Variants in TTC39B observed in about 807,000 individuals in gnomAD.
TTC39B encodes the protein tetratricopeptide repeat protein 39B.
In TTC39B, 92 loss-of-function variants were observed where a neutral mutation model predicts 96.6. The observed-to-expected ratio is 0.95, with a 90% confidence interval of 0.80 to 1.13. TTC39B has a LOEUF of 1.13. Ranked by LOEUF, TTC39B falls within the 50% of genes most tolerant of loss-of-function variation. The pLI, the probability that TTC39B is intolerant of heterozygous loss-of-function variation, is 0.00. For missense variants in TTC39B, 955 were observed against 809.3 expected (o/e 1.18, Z -2.18); for synonymous variants, 367 against 299.4 (o/e 1.23, Z -2.33).
At chr9:15,295,535 G>A (rs1168973908) in intron 1 of TTC39B, among the ~76,000 whole-genome samples, 1 of 152,094 alleles carries the variant, frequency 6.6e-6, no homozygotes, top group Admixed American at 6.5e-5. Context: ...CTTTTCAATT[G>A]ACTGCAAAAA....
intron 16 of TTC39B, chr9:15,183,539 G>T: frequency 3.1e-6 from 1 of 326,406 alleles, no homozygotes; most frequent in Non-Finnish European, 5.9e-6. Context: ...TAGACCTGGA[G>T]AAAGAAGTGC....
Position 15,204,289 on chromosome 9 carries a change from G to A in TTC39B, c.692-399C>T, listed in dbSNP as rs143571961. Among the ~76,000 whole-genome samples, 365 of 152,270 alleles carry A rather than the reference G, an allele frequency of 2.4e-3. 1 individual carries two copies. Among genetic ancestry groups the A allele is most frequent in the African/African-American group, 8.2e-3 (340 of 41,536 alleles). ...TACGCCTGTAATCCCAGCACTTTGG[G>A]AGGCCGAGGTGGGTGGATCACCTGA... On this transcript the variant is annotated intron_variant, in intron 6 of 19. Coordinates refer to ENST00000512701, the Ensembl canonical transcript of TTC39B.
At chr9:15,269,862 A>AG (rs1275046677) in intron 1 of TTC39B, among the ~76,000 whole-genome samples, 1 of 87,840 alleles carries the variant, frequency 1.1e-5, no homozygotes, top group East Asian at 3.6e-4. Context: ...CTCCAAAAAA[A>AG]AAGAAAAAAA....
chr9:15,171,762 C>T (rs1163843057), exon 20 of TTC39B: 2 of 233,866 alleles, frequency 8.6e-6, no homozygotes, highest in African/African-American at 2.3e-5. Context: ...GACTTCTTCG[C>T]CCCCTAATTC....
chr9:15,273,778 G>A (rs982808272), intron 1 of TTC39B, among the ~76,000 whole-genome samples: 6 of 152,090 alleles, frequency 3.9e-5, no homozygotes, highest in East Asian at 1.9e-4. Flanking sequence ...CTCAAAGAAC[G>A]CTACAACTGT....
intron 2 of TTC39B, among the ~76,000 whole-genome samples, chr9:15,240,499 G>A (rs750028463): frequency 2.0e-5 from 3 of 149,320 alleles, no homozygotes; most frequent in Non-Finnish European, 4.5e-5. Flanking sequence ...ACTTTTCAAT[G>A]TTTTTTTTTC....
chr9:15,218,463 C>T (rs1168710375), intron 3 of TTC39B, among the ~76,000 whole-genome samples: 1 of 152,050 alleles, frequency 6.6e-6, no homozygotes, highest in African/African-American at 2.4e-5. Context: ...ACAACCATGT[C>T]TAACTCTCCA....
intron 2 of TTC39B, among the ~76,000 whole-genome samples, chr9:15,234,598 GT>G (rs932329190): frequency 1.3e-5 from 2 of 152,140 alleles, no homozygotes; most frequent in African/African-American, 4.8e-5. Flanking sequence ...GAGGGGAAAG[GT>G]GGGGAAAAGA....
intron 1 of TTC39B, among the ~76,000 whole-genome samples, chr9:15,282,592 G>C (rs1823807688): frequency 6.6e-6 from 1 of 152,142 alleles, no homozygotes. Flanking sequence ...TAAAAATTTG[G>C]ATGCTAACGA....
At chr9:15,232,745 A>T (rs1251437849) in intron 2 of TTC39B, among the ~76,000 whole-genome samples, 3 of 152,172 alleles carry the variant, frequency 2.0e-5, no homozygotes, top group Non-Finnish European at 4.4e-5. Flanking sequence ...TGGTGTACTA[A>T]ATCTGGAGGG....
chr9:15,191,879 A>C (rs765532652), intron 9 of TTC39B, among the ~76,000 whole-genome samples: 7 of 152,206 alleles, frequency 4.6e-5, no homozygotes, highest in Non-Finnish European at 1.0e-4. Flanking sequence ...AGGTCTGGGG[A>C]AGAAGTACGT....
chr9:15,203,812 A>AC lies in TTC39B; in HGVS notation c.759+10_759+11insG. 6.2e-7 allele frequency: 1 copy of AC among 1,608,584 alleles called. No homozygotes were observed. The highest frequency in any genetic ancestry group is 1.3e-5 in the African/African-American group (1 of 74,880). On this transcript the variant is annotated intron_variant, in intron 7 of 19. Coordinates refer to ENST00000512701, the Ensembl canonical transcript of TTC39B. ...CCAGCCAATACGAATTCCAAGCCAA[A>AC]TATTCATTACCTGCACAAACGTGAG... is the stretch of plus-strand genomic sequence containing the variant.
At chr9:15,221,613 G>A (rs1820845997) in intron 3 of TTC39B, among the ~76,000 whole-genome samples, 1 of 152,096 alleles carries the variant, frequency 6.6e-6, no homozygotes, top group Non-Finnish European at 1.5e-5. Flanking sequence ...GGTGCCAGGG[G>A]TCTCTGCGTC....
intron 1 of TTC39B, among the ~76,000 whole-genome samples, chr9:15,304,370 T>C (rs115005929): frequency 0.014 from 2,102 of 152,334 alleles, 51 homozygotes; most frequent in African/African-American, 0.047. Context: ...GATTGAGCTT[T>C]AAATGGCCAC....
chr9:15,198,700 G>A (rs1002156445), intron 8 of TTC39B, among the ~76,000 whole-genome samples: 1 of 151,788 alleles, frequency 6.6e-6, no homozygotes, highest in Non-Finnish European at 1.5e-5. Context: ...AAAAGGGGGA[G>A]AGAACAGATG....
At chr9:15,258,816 C>G (rs12352604) in intron 2 of TTC39B, among the ~76,000 whole-genome samples, 27,508 of 152,058 alleles carry the variant, frequency 0.18, 3,125 homozygotes, top group African/African-American at 0.33. Flanking sequence ...GAGATAATTG[C>G]ACCAAAGTGT....
At chr9:15,302,539 CAAAAAAAAAA>C (rs145173046) in intron 1 of TTC39B, among the ~76,000 whole-genome samples, 5 of 46,760 alleles carry the variant, frequency 1.1e-4, no homozygotes, top group African/African-American at 4.9e-4. Context: ...GATTCCGTCT[CAAAAAAAAAA>C]AAAAAAAAAA....
intron 2 of TTC39B, among the ~76,000 whole-genome samples, chr9:15,237,572 A>G (rs1269396235): frequency 6.6e-6 from 1 of 152,014 alleles, no homozygotes; most frequent in Admixed American, 6.6e-5. Flanking sequence ...AACTCCCAAG[A>G]TTGAAACAGA....
chr9:15,227,564 A>G (rs1229175497), intron 2 of TTC39B, among the ~76,000 whole-genome samples: 1 of 152,192 alleles, frequency 6.6e-6, no homozygotes, highest in African/African-American at 2.4e-5. Context: ...TCATTAGAAG[A>G]CAAGTTATTT....
Sources: gnomAD v4.1 joint callset for allele counts (sites outside exome capture counted in the v4.1 genomes callset) on GRCh38, gnomAD v4.1.1 for gene constraint, MANE v1.5 for transcripts, NCBI Gene and HGNC (gene_info 2026-07-23, HGNC 2026-07-21) for gene names.